Variants in UTP20 observed in about 807,000 individuals in gnomAD.
UTP20 encodes UTP20 small subunit processome component.
Under a neutral mutation model 329.5 loss-of-function variants are expected in UTP20, and 164 were observed. The observed-to-expected ratio is 0.50, with a 90% CI of 0.44 to 0.57. The LOEUF is 0.57. Ranked by LOEUF, UTP20 falls within the 20% of genes least tolerant of loss-of-function variation. The probability of loss-of-function intolerance (pLI) is 0.00; values close to 1 mark genes in which losing one functional copy is unlikely to be tolerated. For missense variants in UTP20, 3,055 were observed against 3,284.2 expected (o/e 0.93, Z 1.71); for synonymous variants, 1,151 against 1,159.3 (o/e 0.99, Z 0.14).
intron 38 of UTP20, among the ~76,000 whole-genome samples, chr12:101,351,480 T>C (rs1593444341): frequency 6.6e-6 from 1 of 151,904 alleles, no homozygotes; most frequent in Non-Finnish European, 1.5e-5. Flanking sequence ...AAGTCCACTC[T>C]CTGTTTTTCA....
chr12:101,384,698 G>A (rs1411633356), intron 60 of UTP20, among the ~76,000 whole-genome samples: 1 of 152,130 alleles, frequency 6.6e-6, no homozygotes, highest in Non-Finnish European at 1.5e-5. Flanking sequence ...ACTGGGGGCA[G>A]GAAGGAAAGG....
chr12:101,314,754 A>G (rs1270753419), intron 21 of UTP20, among the ~76,000 whole-genome samples: 1 of 152,096 alleles, frequency 6.6e-6, no homozygotes, highest in Non-Finnish European at 1.5e-5. Flanking sequence ...ATAGGGATGT[A>G]GGTGGAGGGA....
In UTP20 at chr12:101,363,687, C is replaced by T; in HGVS notation, c.5902C>T (p.Leu1968Phe). The T allele has an allele frequency of 6.2e-7, 1 of 1,613,010 alleles. No homozygotes were observed. The highest frequency in any genetic ancestry group is 8.5e-7 in the Non-Finnish European group (1 of 1,178,988). Residue 1968 changes from leucine (L) to phenylalanine (F), a missense_variant, in exon 45 of 62, where the codon CTC becomes TTC. Physicochemically the swap from Leu to Phe is conservative, Grantham distance 22. This residue lies in a region of UTP20 where 2,445 missense variants were observed against 2,575.5 expected (regional missense o/e 0.95). Coordinates refer to ENST00000261637, the MANE Select transcript of UTP20 (RefSeq NM_014503.3). The part of the protein sequence containing the change: ...RSKSYDSYEI[L>F]GKFVGKDQVT... ...CAAAAGTTACGACTCTTATGAAATC[C>T]TCGGCAAGTTTGTAGGAAAAGATCA...
At chr12:101,329,571 C>A in intron 27 of UTP20, 122 bp downstream of exon 27, 3 of 945,288 alleles carry the variant, frequency 3.2e-6, no homozygotes, top group Non-Finnish European at 4.6e-6. Context: ...GATCCCAGAA[C>A]AAAGCCCAAA....
At chr12:101,344,571 C>A in intron 35 of UTP20, 24 bp from the exon 36 acceptor site, 2 of 893,568 alleles carry the variant, frequency 2.2e-6, no homozygotes, top group East Asian at 2.4e-5. Flanking sequence ...AGAATAATTT[C>A]TTTTTTATTT....
intron 22 of UTP20, 46 bp downstream of exon 22, chr12:101,317,709 G>A (rs377600012): frequency 1.8e-5 from 28 of 1,538,196 alleles, no homozygotes; most frequent in Non-Finnish European, 2.3e-5. Context: ...AGTTCTGGGA[G>A]GAACAGGAAG....
intron 2 of UTP20, among the ~76,000 whole-genome samples, chr12:101,282,983 T>C (rs1871848295): frequency 1.3e-5 from 2 of 152,168 alleles, no homozygotes. Context: ...GATATATTTA[T>C]AGGTAAAGGA....
chr12:101,341,972 G>A (rs902559319), intron 32 of UTP20, among the ~76,000 whole-genome samples: 1 of 152,058 alleles, frequency 6.6e-6, no homozygotes, highest in African/African-American at 2.4e-5. Flanking sequence ...TATTTACGTA[G>A]CATTTACATT....
At chr12:101,382,974 TCTA>T in intron 58 of UTP20, 64 bp from the exon 59 acceptor site, 4 of 1,515,490 alleles carry the variant, frequency 2.6e-6, no homozygotes, top group Admixed American at 2.3e-5. Flanking sequence ...TAGCTTATGC[TCTA>T]CTAAGCCTTA....
chr12:101,285,954 A>G (rs1871947983), intron 4 of UTP20, 73 bp downstream of exon 4: 1 of 1,567,790 alleles, frequency 6.4e-7, no homozygotes, highest in South Asian at 1.2e-5. Context: ...TTTCAAAGCT[A>G]CATATACCGC....
intron 25 of UTP20, among the ~76,000 whole-genome samples, chr12:101,323,232 G>C (rs1868438468): frequency 6.6e-6 from 1 of 152,142 alleles, no homozygotes; most frequent in South Asian, 2.1e-4. Context: ...CATTTTGCCT[G>C]TCTGTAGTTT....
At chr12:101,380,085 G>T (rs571874886) in intron 57 of UTP20, among the ~76,000 whole-genome samples, 1 of 152,262 alleles carries the variant, frequency 6.6e-6, no homozygotes, top group South Asian at 2.1e-4. Flanking sequence ...TCATGAAAAT[G>T]TCAGGGTCCA....
intron 39 of UTP20, among the ~76,000 whole-genome samples, chr12:101,352,447 T>C (rs947018538): frequency 6.6e-6 from 1 of 152,212 alleles, no homozygotes; most frequent in Non-Finnish European, 1.5e-5. Context: ...ATGGTATTTC[T>C]AGTTCTAGAT....
At chr12:101,355,483 A>G (rs1869689113) in intron 41 of UTP20, among the ~76,000 whole-genome samples, 1 of 152,222 alleles carries the variant, frequency 6.6e-6, no homozygotes, top group Non-Finnish European at 1.5e-5. Flanking sequence ...TAACAGGGAT[A>G]ACATTCAGCA....
chr12:101,281,428 A>G (rs933828181), intron 2 of UTP20, among the ~76,000 whole-genome samples: 2 of 152,190 alleles, frequency 1.3e-5, no homozygotes, highest in Non-Finnish European at 2.9e-5. Flanking sequence ...GAATTGGAAC[A>G]TTTTCATCTT....
chr12:101,312,522 A>G (rs548384095), intron 21 of UTP20, among the ~76,000 whole-genome samples: 1 of 152,212 alleles, frequency 6.6e-6, no homozygotes, highest in African/African-American at 2.4e-5. Context: ...GCTCACTGCA[A>G]CCTTCACCTC....
At chr12:101,375,491 G>C (rs1593455087) in intron 55 of UTP20, 133 bp from the exon 56 acceptor site, 2 of 834,414 alleles carry the variant, frequency 2.4e-6, no homozygotes, top group Non-Finnish European at 3.7e-6. Flanking sequence ...CACAGGAAAG[G>C]ATCATCTGGC....
At position 101,344,704 on chromosome 12, in the gene UTP20, G is replaced by T. The variant is rs117417637; in HGVS notation, c.4559G>T (p.Arg1520Leu). 1.9e-6 allele frequency: 3 copies of T among 1,613,496 alleles called. No individual in the cohort carries two copies. Among genetic ancestry groups the T allele is most frequent in the African/African-American group, 2.7e-5 (2 of 74,880 alleles). Reference protein sequence around the residue: ...TEKDYREIIHRSLLEKLRKGL... With the variant: ...TEKDYREIIHLSLLEKLRKGL... Reference sequence around the variant, plus strand: ...AAAGACTATAGAGAAATCATCCACCGTTCACTCCTGGAGAAATTGAGAAAA... The same window carrying T: ...AAAGACTATAGAGAAATCATCCACCTTTCACTCCTGGAGAAATTGAGAAAA... Residue 1520 changes from arginine to leucine, a missense_variant, in exon 36 of 62, where the codon CGT (arginine) becomes CTT (leucine). This residue lies in a region of UTP20 where 2,445 missense variants were observed against 2,575.5 expected (regional missense o/e 0.95). Transcript: ENST00000261637.
chr12:101,382,849 C>CT (rs1220931423), intron 58 of UTP20, among the ~76,000 whole-genome samples, 192 bp from the exon 59 acceptor site: 24 of 130,294 alleles, frequency 1.8e-4, no homozygotes, highest in Admixed American at 9.9e-4. Flanking sequence ...GAGGCTCTGT[C>CT]TTTAAAAAAA....
Sources: gnomAD v4.1 joint callset for allele counts (sites outside exome capture counted in the v4.1 genomes callset) on GRCh38, gnomAD v4.1.1 for gene constraint, gnomAD v4.1.1 regional missense constraint, MANE v1.5 for transcripts, NCBI Gene and HGNC (gene_info 2026-07-23, HGNC 2026-07-21) for gene names.